ANK1: variants seen among roughly 807,000 people sequenced by gnomAD.
ANK1 encodes ankyrin-1.
A neutral mutation model predicts 210.4 loss-of-function variants in ANK1; 51 were observed. That is an observed-to-expected ratio of 0.24 (90% CI 0.19 to 0.31). The LOEUF (loss-of-function observed/expected upper bound fraction) is 0.31, where lower values mean the gene tolerates loss of function less well. Ranked by LOEUF, ANK1 falls within the 10% of genes least tolerant of loss-of-function variation. The pLI, the probability that ANK1 is intolerant of heterozygous loss-of-function variation, is 1.00. For synonymous variants in ANK1, 967 were observed against 1,025.9 expected, an observed-to-expected ratio of 0.94 and a Z score of 1.10; for missense variants, 2,051 against 2,504.4, an observed-to-expected ratio of 0.82 and a Z score of 3.86.
In ANK1 at chr8:41,704,190, A is replaced by T; in HGVS notation, c.2197-51T>A. On this transcript the variant is annotated intron_variant, in intron 19 of 42. Coordinates refer to ENST00000289734, the MANE Select transcript of ANK1 (RefSeq NM_000037.4). The surrounding 1 kb of genome is among the most constrained non-coding windows in gnomAD (Gnocchi z 4.1). ...AGGGTTAGCCAGCCACTAGACAGAG[A>T]CCTGCCTACACATGATAGTGCCTGC... 2.0e-6 allele frequency: 3 copies of T among 1,498,992 alleles called. No homozygotes were observed. Among genetic ancestry groups the T allele is most frequent in the Non-Finnish European group, 2.8e-6 (3 of 1,076,550 alleles). 92.9% of individuals were successfully genotyped at this position (1,498,992 alleles called of 1,614,324 possible).
At chr8:41,683,709 G>A (rs1202801564) in intron 37 of ANK1, among the ~76,000 whole-genome samples, 1 of 152,264 alleles carries the variant, frequency 6.6e-6, no homozygotes, top group Admixed American at 6.5e-5. Context: ...CAGTCATGCA[G>A]GGAGTTGGCA....
At chr8:41,722,244 G>T (rs557877627) in intron 9 of ANK1, among the ~76,000 whole-genome samples, 1 of 152,336 alleles carries the variant, frequency 6.6e-6, no homozygotes, top group South Asian at 2.1e-4. Flanking sequence ...ACACCCTCAT[G>T]CAACAGCACA....
upstream of ANK1, among the ~76,000 whole-genome samples, chr8:41,800,056 G>A (rs910723744): frequency 1.3e-5 from 2 of 152,104 alleles, no homozygotes. Flanking sequence ...TTTCCCTCGA[G>A]TCTCTGAAAG....
chr8:41,676,680 T>C (rs1347642370), intron 37 of ANK1, among the ~76,000 whole-genome samples: 1 of 152,212 alleles, frequency 6.6e-6, no homozygotes, highest in Non-Finnish European at 1.5e-5. Context: ...TTTTTTCTTA[T>C]GTTTTCTTCT....
At chr8:41,753,493 C>T (rs531620021) in intron 2 of ANK1, among the ~76,000 whole-genome samples, 51 of 152,208 alleles carry the variant, frequency 3.4e-4, no homozygotes, top group African/African-American at 1.2e-3. Flanking sequence ...CACATGCATG[C>T]ACACACACAG....
chr8:41,679,812 C>T (rs1047326088), intron 37 of ANK1, among the ~76,000 whole-genome samples: 1 of 151,874 alleles, frequency 6.6e-6, no homozygotes, highest in Non-Finnish European at 1.5e-5. Context: ...GATCCGCCCA[C>T]CTCGGCCTCC....
chr8:41,724,057 G>A (rs915530781), intron 7 of ANK1, among the ~76,000 whole-genome samples: 3 of 151,946 alleles, frequency 2.0e-5, no homozygotes, highest in Non-Finnish European at 4.4e-5. Context: ...CAAAGTGCTG[G>A]GATTACAGGC....
At chr8:41,794,618 G>C (rs1470090450) in intron 1 of ANK1, among the ~76,000 whole-genome samples, 1 of 152,230 alleles carries the variant, frequency 6.6e-6, no homozygotes. Context: ...GTTTTTGTCA[G>C]TTTTATTCAC....
intron 1 of ANK1, among the ~76,000 whole-genome samples, chr8:41,802,995 G>A (rs373297468): frequency 1.2e-3 from 67 of 57,466 alleles, no homozygotes; most frequent in South Asian, 2.6e-3. Flanking sequence ...GAGAGAAAGA[G>A]AGAAAGAAAG....
At chr8:41,844,946 C>A (rs1049756737) in intron 1 of ANK1, among the ~76,000 whole-genome samples, 2 of 152,122 alleles carry the variant, frequency 1.3e-5, no homozygotes, top group African/African-American at 2.4e-5. Context: ...GCTGCACACC[C>A]ACTGGTCAGA....
chr8:41,863,936 C>T (rs151119878), intron 1 of ANK1, among the ~76,000 whole-genome samples: 11 of 152,242 alleles, frequency 7.2e-5, no homozygotes, highest in East Asian at 1.9e-4. Flanking sequence ...GCACGTTCTG[C>T]GCTTTTGTTA....
intron 13 of ANK1, 37 bp from the exon 14 acceptor site, chr8:41,715,886 T>G: frequency 1.2e-6 from 2 of 1,612,974 alleles, no homozygotes; most frequent in Non-Finnish European, 1.7e-6. Flanking sequence ...GAAGAAACGC[T>G]AATGTTACCA....
upstream of ANK1, among the ~76,000 whole-genome samples, chr8:41,801,363 A>AGATCTTTCTAGTGTGTATGC (rs1849836027): frequency 6.6e-6 from 1 of 152,224 alleles, no homozygotes; most frequent in African/African-American, 2.4e-5. Flanking sequence ...CACGTGTGTG[A>AGATCTTTCTAGTGTGTATGC]GATCTTTCTA....
chr8:41,887,511 G>A (rs1047152605), intron 1 of ANK1, among the ~76,000 whole-genome samples: 1 of 151,912 alleles, frequency 6.6e-6, no homozygotes, highest in African/African-American at 2.4e-5. Flanking sequence ...CTCCTGCCTC[G>A]GCCTCCCAAA....
intron 1 of ANK1, among the ~76,000 whole-genome samples, chr8:41,810,787 G>A (rs566826777): frequency 6.6e-6 from 1 of 152,370 alleles, no homozygotes; most frequent in South Asian, 2.1e-4. Flanking sequence ...GGGAGAGCCA[G>A]GAGAACAGGA....
chr8:41,760,576 A>C (rs960808245), intron 1 of ANK1, among the ~76,000 whole-genome samples: 1 of 152,194 alleles, frequency 6.6e-6, no homozygotes, highest in Non-Finnish European at 1.5e-5. Flanking sequence ...ATTAAAGCCC[A>C]GTCCTCAGGC....
chr8:41,683,097 C>T (rs142481602), intron 37 of ANK1, among the ~76,000 whole-genome samples: 7 of 151,886 alleles, frequency 4.6e-5, no homozygotes, highest in South Asian at 2.1e-4. Context: ...CACACATGCA[C>T]GCACACATGC....
At chr8:41,661,827 T>C in intron 41 of ANK1, 49 bp downstream of exon 41, 1 of 1,614,010 alleles carries the variant, frequency 6.2e-7, no homozygotes, top group East Asian at 2.2e-5. Context: ...AAGTAATCAA[T>C]ATCGACCTCC....
intron 1 of ANK1, among the ~76,000 whole-genome samples, chr8:41,787,783 C>T (rs926622266): frequency 4.3e-4 from 66 of 152,038 alleles, no homozygotes; most frequent in African/African-American, 1.6e-3. Flanking sequence ...GCACTCCAGC[C>T]TGGGTGACAC....
Sources: gnomAD v4.1 joint callset for allele counts (sites outside exome capture counted in the v4.1 genomes callset) on GRCh38, gnomAD v4.1.1 for gene constraint, Gnocchi (gnomAD v3.1) non-coding constraint, MANE v1.5 for transcripts, NCBI Gene and HGNC (gene_info 2026-07-23, HGNC 2026-07-21) for gene names.